The following FAM13A variants were observed in gnomAD, a reference collection of about 807,000 sequenced individuals.
FAM13A encodes the protein protein FAM13A.
A neutral mutation model predicts 129.6 loss-of-function variants in FAM13A; 76 were observed. The ratio of observed to expected loss-of-function variants is 0.59; its 90% CI spans 0.49 to 0.71. The LOEUF is 0.71. FAM13A is among the 30% of genes least tolerant of loss of function. The pLI, the probability that FAM13A is intolerant of heterozygous loss-of-function variation, is 0.00. For synonymous variants in FAM13A, 443 were observed against 449.9 expected (o/e 0.98, Z 0.20); for missense variants, 1,108 against 1,249.3 (o/e 0.89, Z 1.70).
intron 3 of FAM13A, among the ~76,000 whole-genome samples, chr4:89,016,929 G>A (rs1441402419): frequency 1.3e-5 from 2 of 152,170 alleles, no homozygotes; most frequent in African/African-American, 4.8e-5. Flanking sequence ...CCACAGGCCA[G>A]GCCTACTGTA....
chr4:88,872,517 A>G (rs1296447735), intron 6 of FAM13A, among the ~76,000 whole-genome samples: 2 of 152,226 alleles, frequency 1.3e-5, no homozygotes, highest in Non-Finnish European at 2.9e-5. Context: ...CTTTAAACCA[A>G]CAAAGATCAA....
At chr4:88,913,825 T>C (rs1267955598) in intron 5 of FAM13A, among the ~76,000 whole-genome samples, 1 of 152,196 alleles carries the variant, frequency 6.6e-6, no homozygotes. Context: ...CTGTCTCTGA[T>C]GTTTCTCCTG....
intron 1 of FAM13A, among the ~76,000 whole-genome samples, chr4:89,030,423 T>C (rs1768533989): frequency 6.6e-6 from 1 of 152,144 alleles, no homozygotes; most frequent in Non-Finnish European, 1.5e-5. Context: ...ATGTGTCTTA[T>C]ATAAATGTTA....
intron 17 of FAM13A, among the ~76,000 whole-genome samples, chr4:88,748,120 C>G (rs1012099838): frequency 6.6e-6 from 1 of 152,132 alleles, no homozygotes; most frequent in African/African-American, 2.4e-5. Flanking sequence ...TCTCGATCTC[C>G]TGACCTCATG....
At chr4:88,797,188 T>C (rs1019310946) in intron 8 of FAM13A, among the ~76,000 whole-genome samples, 12 of 152,110 alleles carry the variant, frequency 7.9e-5, no homozygotes, top group African/African-American at 2.4e-4. Context: ...TACAAATATG[T>C]TTCTTCATTC....
rs181577423 is a variant in FAM13A at position 89,009,499 on chromosome 4, C to G, written c.427+10961G>C. Among the ~76,000 whole-genome samples, 5 of 152,312 alleles carry G rather than the reference C, an allele frequency of 3.3e-5. No individual in the cohort carries two copies. The East Asian group carries it at 9.6e-4, about 29-fold the overall frequency. On this transcript the variant is annotated intron_variant, in intron 3 of 23. Transcript: ENST00000264344. ...AAACCAGATCCACACATGTCTGTGT[C>G]TTTCCACAATGCCAGGCTTTTATTA...
At chr4:88,783,180 T>G (rs1302010262) in intron 10 of FAM13A, among the ~76,000 whole-genome samples, 1 of 152,218 alleles carries the variant, frequency 6.6e-6, no homozygotes, top group Non-Finnish European at 1.5e-5. Flanking sequence ...AATTTATTTT[T>G]TATTCTAATC....
At chr4:88,855,779 G>C (rs372671403) in intron 6 of FAM13A, 2 of 150,704 alleles carry the variant, frequency 1.3e-5, no homozygotes, top group Admixed American at 1.3e-4. Flanking sequence ...AAATAAAAAA[G>C]ACATTAAAAT....
intron 23 of FAM13A, chr4:88,729,386 G>T (rs981997296): frequency 9.8e-5 from 15 of 152,322 alleles, no homozygotes; most frequent in African/African-American, 3.6e-4. Context: ...GTGCGCTGCT[G>T]CTTTGTGTTT....
At chr4:89,030,254 A>G (rs1027342781) in intron 1 of FAM13A, among the ~76,000 whole-genome samples, 3 of 152,098 alleles carry the variant, frequency 2.0e-5, no homozygotes, top group African/African-American at 4.8e-5. Flanking sequence ...AGGTAGTTGC[A>G]ATTTTAAATT....
intron 3 of FAM13A, among the ~76,000 whole-genome samples, chr4:89,010,559 A>G (rs1765600125): frequency 6.6e-6 from 1 of 152,218 alleles, no homozygotes; most frequent in African/African-American, 2.4e-5. Context: ...TACAGATAGA[A>G]AAGAAAAGAT....
At chr4:88,861,381 A>C in intron 6 of FAM13A, among the ~76,000 whole-genome samples, 1 of 75,578 alleles carries the variant, frequency 1.3e-5, no homozygotes, top group Admixed American at 1.4e-4. Flanking sequence ...ACTCCGTCTC[A>C]AAAAAAAAAA....
chr4:88,971,516 A>G (rs1452476078), intron 4 of FAM13A, among the ~76,000 whole-genome samples: 1 of 152,120 alleles, frequency 6.6e-6, no homozygotes, highest in Non-Finnish European at 1.5e-5. Flanking sequence ...TGAATTTTAA[A>G]TATTTTTCAA....
At chr4:88,844,505 C>T (rs992002897) in intron 7 of FAM13A, among the ~76,000 whole-genome samples, 1 of 152,112 alleles carries the variant, frequency 6.6e-6, no homozygotes, top group Non-Finnish European at 1.5e-5. Context: ...AAATGTTATA[C>T]ATAGGATTAT....
chr4:88,879,155 T>C (rs551858916), intron 6 of FAM13A, among the ~76,000 whole-genome samples: 215 of 152,288 alleles, frequency 1.4e-3, no homozygotes, highest in African/African-American at 4.8e-3. Context: ...ATACAGCCAC[T>C]ATAAAAGCAA....
At chr4:88,780,817 A>G (rs1722690930) in intron 11 of FAM13A, among the ~76,000 whole-genome samples, 1 of 152,144 alleles carries the variant, frequency 6.6e-6, no homozygotes, top group Admixed American at 6.6e-5. Context: ...TTTATAAAAC[A>G]TATTCACTCA....
intron 8 of FAM13A, among the ~76,000 whole-genome samples, chr4:88,800,251 A>G (rs1387012612): frequency 1.3e-5 from 2 of 152,218 alleles, no homozygotes; most frequent in Non-Finnish European, 2.9e-5. Context: ...TATAACAATG[A>G]GAATGTACTT....
chr4:88,923,710 A>G (rs1364328239), intron 5 of FAM13A, among the ~76,000 whole-genome samples: 2 of 152,194 alleles, frequency 1.3e-5, no homozygotes, highest in Non-Finnish European at 2.9e-5. Context: ...CAGGGCAATT[A>G]GGCAGGAGAA....
intron 10 of FAM13A, among the ~76,000 whole-genome samples, chr4:88,787,248 T>G (rs549807174): frequency 6.6e-6 from 1 of 152,280 alleles, no homozygotes; most frequent in Non-Finnish European, 1.5e-5. Flanking sequence ...AAGCTTTTCA[T>G]TTTTTGAGTA....
Sources: gnomAD v4.1 joint callset for allele counts (sites outside exome capture counted in the v4.1 genomes callset) on GRCh38, gnomAD v4.1.1 for gene constraint, MANE v1.5 for transcripts, NCBI Gene and HGNC (gene_info 2026-07-23, HGNC 2026-07-21) for gene names.